The following ATRX variants were observed in gnomAD, a reference collection of about 807,000 sequenced individuals.
The protein encoded by ATRX is chromatin remodeler ATRX.
ATRX carries 12 observed loss-of-function variants against 172.6 expected under a neutral mutation model. The observed-to-expected ratio is 0.07, with a 90% CI of 0.04 to 0.11. The LOEUF (loss-of-function observed/expected upper bound fraction) is 0.11. Ranked by LOEUF, ATRX falls within the 10% of genes least tolerant of loss-of-function variation. ATRX has a pLI of 1.00. For missense variants in ATRX, 1,368 were observed against 1,767.4 expected (o/e 0.77, Z 4.05); for synonymous variants, 674 against 594.7 (o/e 1.13, Z -1.94).
chrX:77,783,487 G>T (rs2076633834), intron 1 of ATRX, among the ~76,000 whole-genome samples: 1 of 111,265 alleles, frequency 9.0e-6, no homozygotes, highest in Non-Finnish European at 1.9e-5. Flanking sequence ...TTGTCTTCTG[G>T]CCATTTTTCC....
At chrX:77,509,909 G>GGT (rs1481976494) in intron 34 of ATRX, among the ~76,000 whole-genome samples, 3 of 51,445 alleles carry the variant, frequency 5.8e-5, no homozygotes, top group African/African-American at 1.8e-4. Context: ...GTGGACGGGG[G>GGT]GCGGGGGGGG....
chrX:77,742,549 C>A (rs1223759239), intron 1 of ATRX, among the ~76,000 whole-genome samples: 10 of 112,079 alleles, frequency 8.9e-5, no homozygotes, highest in African/African-American at 3.2e-4. Context: ...TTCAAGCGTG[C>A]CTCATCCAGG....
chrX:77,617,608 C>A (rs1219058337), intron 21 of ATRX, among the ~76,000 whole-genome samples: 4 of 111,540 alleles, frequency 3.6e-5, no homozygotes, highest in Non-Finnish European at 7.5e-5. Context: ...TCACACAATA[C>A]AAATACTATG....
At chrX:77,729,873 G>A (rs1374327574) in intron 1 of ATRX, among the ~76,000 whole-genome samples, 2 of 111,527 alleles carry the variant, frequency 1.8e-5, no homozygotes, top group Non-Finnish European at 3.8e-5. Context: ...GGAGGCAGAG[G>A]CTGCAGTGAG....
chrX:77,645,081 A>T (rs1445671115), intron 15 of ATRX, among the ~76,000 whole-genome samples: 1 of 111,938 alleles, frequency 8.9e-6, no homozygotes, highest in Admixed American at 9.5e-5. Flanking sequence ...TTTAGAGGCC[A>T]GAAGGCAGTG....
rs1557140622 is a variant in ATRX at position 77,683,391 on chromosome X, G to C, written c.1865C>G (p.Pro622Arg). 1 of 1,210,745 alleles carries C rather than the reference G, an allele frequency of 8.3e-7. No individual in the cohort carries two copies. Among genetic ancestry groups the C allele is most frequent in the Non-Finnish European group, 1.1e-6 (1 of 894,917 alleles). Residue 622 changes from proline to arginine, a missense_variant, in exon 9 of 35, where the codon CCC becomes CGC. Physicochemically the swap from Pro to Arg is moderately radical, Grantham distance 103. This residue lies in a region of ATRX where 843 missense variants were observed against 643.1 expected (regional missense o/e 1.31). Coordinates refer to ENST00000373344, the MANE Select transcript of ATRX (RefSeq NM_000489.6). The stretch of plus-strand genomic sequence containing the variant: ...TCCAAGTCCACATTTCTCTAACTTG[G>C]GGTTCAGACCACAACTTTTATAGCC... ...KDGYKSCGLN[P>R]KLEKCGLGQE...
chrX:77,538,527 C>A (rs1255287476), intron 30 of ATRX, among the ~76,000 whole-genome samples: 2 of 111,337 alleles, frequency 1.8e-5, no homozygotes, highest in Admixed American at 1.9e-4. Context: ...ACAATTAACA[C>A]TATTCAGGTG....
chrX:77,775,654 C>T (rs2076321445), intron 1 of ATRX, among the ~76,000 whole-genome samples: 2 of 111,295 alleles, frequency 1.8e-5, no homozygotes, highest in African/African-American at 6.5e-5. Context: ...CAATGCACTC[C>T]AGCCTGAGTG....
At chrX:77,636,582 A>G (rs782256319) in intron 15 of ATRX, among the ~76,000 whole-genome samples, 118 of 111,337 alleles carry the variant, frequency 1.1e-3, no homozygotes, top group Admixed American at 2.6e-3. Context: ...TTTTGCTTCA[A>G]TAAAGCCAGG....
At chrX:77,653,684 G>T (rs1051347135) in intron 14 of ATRX, among the ~76,000 whole-genome samples, 134 of 111,666 alleles carry the variant, frequency 1.2e-3, no homozygotes, top group African/African-American at 4.3e-3. Flanking sequence ...GAAGAGCATT[G>T]TGTTGACAGA....
At chrX:77,621,845 A>C (rs1419688337) in intron 19 of ATRX, among the ~76,000 whole-genome samples, 1 of 109,083 alleles carries the variant, frequency 9.2e-6, no homozygotes, top group Non-Finnish European at 1.9e-5. Flanking sequence ...AAATAGTAAA[A>C]AAAAACAACA....
intron 1 of ATRX, among the ~76,000 whole-genome samples, chrX:77,777,157 C>T (rs1213675832): frequency 2.2e-5 from 2 of 89,054 alleles, no homozygotes; most frequent in African/African-American, 9.0e-5. Flanking sequence ...AGTTCAAGAC[C>T]AGCCAGGCCA....
At chrX:77,715,324 C>T (rs1557164038) in intron 2 of ATRX, among the ~76,000 whole-genome samples, 2 of 111,470 alleles carry the variant, frequency 1.8e-5, no homozygotes, top group African/African-American at 3.3e-5. Flanking sequence ...GATTACCTAC[C>T]GTATTCAGTA....
Position 77,698,569 on chromosome X carries a change from CT to C in ATRX, c.189+4del. 1 of 1,200,876 alleles carries C rather than the reference CT, an allele frequency of 8.3e-7. No homozygotes were observed. Among genetic ancestry groups the C allele is most frequent in the Non-Finnish European group, 1.1e-6 (1 of 886,046 alleles). ...TAACAAATATCTCTAAATAATTATC[CT>C]TACCTCTTCCTTGCTGTTTTCCATC... is the stretch of plus-strand genomic sequence containing the variant. On this transcript the variant is annotated splice_donor_region_variant and intron_variant, in intron 3 of 34. Transcript: ENST00000373344.
At chrX:77,634,503 G>T in intron 17 of ATRX, 91 bp downstream of exon 17, 1 of 752,610 alleles carries the variant, frequency 1.3e-6, no homozygotes, top group Non-Finnish European at 2.1e-6. Flanking sequence ...TTTATCTTCA[G>T]CCCCTACGAC....
intron 2 of ATRX, among the ~76,000 whole-genome samples, chrX:77,714,326 GGT>G (rs2148737062): frequency 9.0e-6 from 1 of 111,168 alleles, no homozygotes; most frequent in African/African-American, 3.3e-5. Context: ...GCCCGAGAAG[GGT>G]CCAGCAAGGC....
intron 19 of ATRX, among the ~76,000 whole-genome samples, chrX:77,624,104 C>T (rs1353748976): frequency 1.8e-5 from 2 of 111,786 alleles, no homozygotes; most frequent in Admixed American, 9.5e-5. Flanking sequence ...CGGTGGCTCA[C>T]GCCTGTAATC....
chrX:77,779,114 T>G (rs1371239623), intron 1 of ATRX, among the ~76,000 whole-genome samples: 3 of 95,996 alleles, frequency 3.1e-5, no homozygotes, highest in African/African-American at 1.2e-4. Flanking sequence ...TTTTTTTTTT[T>G]TTGTATTTTT....
chrX:77,715,256 C>T (rs1175954968), intron 2 of ATRX, among the ~76,000 whole-genome samples: 2 of 112,047 alleles, frequency 1.8e-5, no homozygotes, highest in African/African-American at 6.5e-5. Flanking sequence ...TGTATTTTTA[C>T]TGTACCTTTT....
Sources: allele counts gnomAD v4.1 joint callset (sites outside exome capture counted in the v4.1 genomes callset), GRCh38; gene constraint gnomAD v4.1.1; regional missense constraint gnomAD v4.1.1; transcripts MANE v1.5; gene names NCBI Gene and HGNC (gene_info 2026-07-23, HGNC 2026-07-21).